SLC9C2: variants seen among roughly 807,000 people sequenced by gnomAD.
SLC9C2 encodes the protein sodium/hydrogen exchanger 11.
SLC9C2 carries 75 observed loss-of-function variants against 140.2 expected under a neutral mutation model. That is an observed-to-expected ratio of 0.53 (90% CI 0.44 to 0.65). The LOEUF (loss-of-function observed/expected upper bound fraction) is 0.65, where lower values mean the gene tolerates loss of function less well. Among genes scored for constraint, SLC9C2 ranks in the 30% least tolerant of loss-of-function variants. The pLI, the probability that SLC9C2 is intolerant of heterozygous loss-of-function variation, is 0.00. For missense variants in SLC9C2, 1,074 were observed against 1,331.8 expected (o/e 0.81, Z 3.01); for synonymous variants, 375 against 420.9 (o/e 0.89, Z 1.34).
At chr1:173,503,583 T>C (rs982365019) in intron 26 of SLC9C2, among the ~76,000 whole-genome samples, 3 of 151,890 alleles carry the variant, frequency 2.0e-5, no homozygotes, top group African/African-American at 7.3e-5. Flanking sequence ...AAGGCGAGAG[T>C]GAGCAGTGTG....
intron 18 of SLC9C2, among the ~76,000 whole-genome samples, chr1:173,528,388 C>T (rs189576346): frequency 6.6e-6 from 1 of 152,258 alleles, no homozygotes; most frequent in African/African-American, 2.4e-5. Flanking sequence ...TTCTTAACTC[C>T]CCCCACTGTC....
At chr1:173,537,073 C>T (rs1476909653) in intron 13 of SLC9C2, 34 bp from the exon 14 acceptor site, 1 of 1,521,866 alleles carries the variant, frequency 6.6e-7, no homozygotes, top group Admixed American at 1.7e-5. Flanking sequence ...TACAAAAGAT[C>T]AAAACATAAA....
rs1659892739 is a variant in SLC9C2 at position 173,509,552 on chromosome 1, TA to T, written c.3039+15del. 1 of 1,497,792 alleles carries T rather than the reference TA, an allele frequency of 6.7e-7. No homozygotes were observed. Among genetic ancestry groups the T allele is most frequent in the South Asian group, 1.3e-5 (1 of 76,372 alleles). The allele number at this position is 1,497,792 out of a possible 1,614,324, so 92.8% of individuals were successfully genotyped here. On this transcript the variant is annotated intron_variant, in intron 24 of 27. Transcript: ENST00000367714. ...ATAAAAATTCAATTTATTAATATTTTAATCACATAACTTACCTCATCAATAA... is the reference window on the plus strand; with the variant it reads ...ATAAAAATTCAATTTATTAATATTTTATCACATAACTTACCTCATCAATAA...
intron 24 of SLC9C2, 68 bp from the exon 25 acceptor site, chr1:173,507,109 A>G: frequency 8.2e-7 from 1 of 1,212,884 alleles, no homozygotes; most frequent in Non-Finnish European, 1.1e-6. Flanking sequence ...AAGAAAACAG[A>G]TTTACTGATC....
At chr1:173,510,781 T>A (rs1659987722) in intron 23 of SLC9C2, among the ~76,000 whole-genome samples, 1 of 152,192 alleles carries the variant, frequency 6.6e-6, no homozygotes, top group Non-Finnish European at 1.5e-5. Context: ...TTGTGAATAG[T>A]GTGGCAATAA....
chr1:173,549,123 GAGA>G (rs1663074607), intron 11 of SLC9C2, among the ~76,000 whole-genome samples: 1 of 152,176 alleles, frequency 6.6e-6, no homozygotes. Flanking sequence ...ACTTACCAAA[GAGA>G]AGAATTAAAT....
intron 13 of SLC9C2, among the ~76,000 whole-genome samples, chr1:173,540,097 C>T (rs1027399908): frequency 6.6e-6 from 1 of 152,104 alleles, no homozygotes; most frequent in African/African-American, 2.4e-5. Flanking sequence ...TGTGGCTTCC[C>T]CTCTCACCCT....
chr1:173,534,588 T>C lies in SLC9C2; in HGVS notation c.1870A>G (p.Met624Val), dbSNP rs758968946. ...GCCATTGGCCACAGATGTATTATCATAGGATAAATATATATCAAATTTATA... is the reference window on the plus strand; with the variant it reads ...GCCATTGGCCACAGATGTATTATCACAGGATAAATATATATCAAATTTATA... ...QIINLIYIYP[M>V]IIHLWPMARG... The change falls in exon 16 of 28, where the codon ATG becomes GTG. Residue 624 changes from methionine to valine, a missense_variant. Coordinates refer to ENST00000367714, the MANE Select transcript of SLC9C2 (RefSeq NM_178527.4). The C allele has an allele frequency of 4.4e-6, 7 of 1,595,556 alleles. No homozygotes were observed. The South Asian group carries it at 5.7e-5, about 13-fold the overall frequency.
intron 23 of SLC9C2, 148 bp downstream of exon 23, chr1:173,517,389 G>T: frequency 1.5e-6 from 1 of 666,008 alleles, no homozygotes; most frequent in Non-Finnish European, 2.4e-6. Context: ...CCTGGGATGT[G>T]AGACACTAAA....
In SLC9C2 at chr1:173,535,945, T is replaced by A; in HGVS notation, c.1660A>T (p.Met554Leu). Residue 554 changes from methionine (M) to leucine (L), a missense_variant, in exon 15 of 28, where the codon ATG (methionine) becomes TTG (leucine). By Grantham distance (15) the Met-to-Leu change is conservative (BLOSUM62 2). Coordinates refer to ENST00000367714, the MANE Select transcript of SLC9C2 (RefSeq NM_178527.4). ...KCYYSIQGKFMSIYDVSTYMR... is the reference protein window; with the variant it reads ...KCYYSIQGKFLSIYDVSTYMR... ...TAAGTTGAAACATCATAAATACTCA[T>A]GAATCTAACAGAGAAAAATGTACAT... is the stretch of plus-strand genomic sequence containing the variant. 1 of 1,503,734 alleles carries A rather than the reference T, an allele frequency of 6.7e-7. No homozygotes were observed. The highest frequency in any genetic ancestry group is 2.4e-5 in the Admixed American group (1 of 42,418). 93.1% of individuals were successfully genotyped at this position (1,503,734 alleles called of 1,614,324 possible). A position where few individuals can be genotyped will look rare whatever the true frequency, so the allele number is the denominator to read the frequency against.
At chr1:173,582,436 T>C (rs1313228919) in intron 6 of SLC9C2, among the ~76,000 whole-genome samples, 1 of 152,114 alleles carries the variant, frequency 6.6e-6, no homozygotes, top group South Asian at 2.1e-4. Context: ...CCAGGAGACA[T>C]TGGAAAATGA....
intron 18 of SLC9C2, among the ~76,000 whole-genome samples, chr1:173,527,524 C>T (rs1661291660): frequency 6.6e-6 from 1 of 152,222 alleles, no homozygotes. Context: ...GAAGAAATCA[C>T]TGCACTCCAG....
chr1:173,578,984 A>G (rs1665355894), intron 7 of SLC9C2, among the ~76,000 whole-genome samples: 1 of 152,244 alleles, frequency 6.6e-6, no homozygotes, highest in Non-Finnish European at 1.5e-5. Context: ...GAGGCTACCT[A>G]GCAAGCTTTC....
chr1:173,596,720 G>T (rs1484767046), intron 4 of SLC9C2: 1 of 151,862 alleles, frequency 6.6e-6, no homozygotes, highest in Non-Finnish European at 1.5e-5. Flanking sequence ...CTATTAAAAA[G>T]ATACCAAAAT....
At chr1:173,592,133 C>T (rs569044200) in intron 4 of SLC9C2, among the ~76,000 whole-genome samples, 20 of 152,086 alleles carry the variant, frequency 1.3e-4, no homozygotes, top group Non-Finnish European at 2.5e-4. Context: ...AGTCCTTTAC[C>T]CATTGTTTGT....
chr1:173,533,561 A>G, intron 17 of SLC9C2, 48 bp downstream of exon 17: 1 of 1,419,190 alleles, frequency 7.0e-7, no homozygotes, highest in Middle Eastern at 2.1e-4. Context: ...TATAGGTGTG[A>G]GCTACCACTC....
Position 173,503,345 on chromosome 1 carries a change from T to G in SLC9C2, c.3311-19A>C. The stretch of plus-strand genomic sequence containing the variant: ...ACTGAGGCTAACCAAATCCAAGCAT[T>G]GAACAGAAAAAGTAAATTAGGAATT... On this transcript the variant is annotated intron_variant, in intron 26 of 27. Coordinates refer to ENST00000367714, the MANE Select transcript of SLC9C2 (RefSeq NM_178527.4). 6.2e-7 allele frequency: 1 copy of G among 1,607,454 alleles called. No individual in the cohort carries two copies. Among genetic ancestry groups the G allele is most frequent in the African/African-American group, 1.3e-5 (1 of 74,748 alleles).
rs186766608 is a variant in SLC9C2, at chr1:173,578,671, G to T, written c.803-1911C>A. 1.1e-3 allele frequency among the ~76,000 whole-genome samples: 166 copies of T among 152,246 alleles called. 2 individuals carry two copies. The highest frequency in any genetic ancestry group is 3.7e-3 in the African/African-American group (153 of 41,546). The stretch of plus-strand genomic sequence containing the variant: ...TCAGCAGGGTTAGTTCCTTCTGAGG[G>T]CTGTGATGGAGATTCTGTCCCAGGC... On this transcript the variant is annotated intron_variant, in intron 7 of 27. Coordinates refer to ENST00000367714, the MANE Select transcript of SLC9C2 (RefSeq NM_178527.4).
rs531367173 is a variant in SLC9C2 at position 173,543,763 on chromosome 1, C to T, written c.1557+3926G>A. On this transcript the variant is annotated intron_variant, in intron 13 of 27. Transcript: ENST00000367714. ...AAAACAAGCAATGGGGAAAGGATTC[C>T]CTATTTAATAAATGGTGCTGGGAAA... Among the ~76,000 whole-genome samples the T allele has an allele frequency of 3.7e-3, 557 of 152,258 alleles. 6 individuals are homozygous for T. Among genetic ancestry groups the T allele is most frequent in the African/African-American group, 0.013 (532 of 41,542 alleles).
Sources: gnomAD v4.1 joint callset for allele counts (sites outside exome capture counted in the v4.1 genomes callset) on GRCh38, gnomAD v4.1.1 for gene constraint, MANE v1.5 for transcripts, NCBI Gene and HGNC (gene_info 2026-07-23, HGNC 2026-07-21) for gene names.